Variants in EPHA6 observed in about 807,000 individuals in gnomAD.
EPHA6 encodes ephrin type-A receptor 6.
Under a neutral mutation model 112.0 loss-of-function variants are expected in EPHA6, and 50 were observed. That is an observed-to-expected ratio of 0.45 (90% CI 0.36 to 0.56). The LOEUF is 0.56. Among genes scored for constraint, EPHA6 ranks in the 20% least tolerant of loss-of-function variants. The probability of loss-of-function intolerance (pLI) is 0.00; values close to 1 mark genes in which losing one functional copy is unlikely to be tolerated. For missense variants in EPHA6, 1,280 were observed against 1,417.4 expected (o/e 0.90, Z 1.56); for synonymous variants, 529 against 490.7 (o/e 1.08, Z -1.03).
chr3:97,717,019 A>G (rs555111895), intron 14 of EPHA6, among the ~76,000 whole-genome samples: 1 of 152,082 alleles, frequency 6.6e-6, no homozygotes, highest in South Asian at 2.1e-4. Context: ...AATATGGACC[A>G]TCACCATGTT....
intron 2 of EPHA6, among the ~76,000 whole-genome samples, chr3:96,935,278 A>G (rs1452787778): frequency 1.3e-5 from 2 of 151,788 alleles, no homozygotes; most frequent in African/African-American, 2.4e-5. Flanking sequence ...ATATGTTTTT[A>G]TTTTCCGATT....
At chr3:97,080,916 G>GTA (rs2046700284) in intron 3 of EPHA6, among the ~76,000 whole-genome samples, 1 of 151,878 alleles carries the variant, frequency 6.6e-6, no homozygotes, top group Non-Finnish European at 1.5e-5. Context: ...TTTAATAGTT[G>GTA]TATTTACACC....
chr3:97,723,220 G>A (rs1280519669), intron 15 of EPHA6, among the ~76,000 whole-genome samples: 1 of 152,218 alleles, frequency 6.6e-6, no homozygotes, highest in African/African-American at 2.4e-5. Context: ...CCACAAGACA[G>A]ATTTTTTAGG....
At chr3:96,821,891 T>C (rs1255408038) in intron 1 of EPHA6, among the ~76,000 whole-genome samples, 1 of 151,924 alleles carries the variant, frequency 6.6e-6, no homozygotes, top group East Asian at 1.9e-4. Context: ...TATTCTGTTC[T>C]CTTGAATCTC....
intron 2 of EPHA6, among the ~76,000 whole-genome samples, chr3:96,978,932 C>T (rs2042639318): frequency 6.6e-6 from 1 of 152,106 alleles, no homozygotes; most frequent in African/African-American, 2.4e-5. Flanking sequence ...TATTTTCAAA[C>T]ACTTCTTCAT....
At chr3:97,365,755 T>C (rs2084688059) in intron 5 of EPHA6, among the ~76,000 whole-genome samples, 1 of 152,206 alleles carries the variant, frequency 6.6e-6, no homozygotes. Flanking sequence ...GCTCCATCTT[T>C]GTGATTTTCA....
chr3:97,720,136 A>T, intron 14 of EPHA6, 125 bp from the exon 15 acceptor site: 1 of 735,436 alleles, frequency 1.4e-6, no homozygotes, highest in African/African-American at 1.8e-5. Context: ...TTTTGATTTT[A>T]ATTTAAAATG....
intron 3 of EPHA6, among the ~76,000 whole-genome samples, chr3:97,187,376 C>T (rs2077168850): frequency 6.6e-6 from 1 of 151,804 alleles, no homozygotes; most frequent in Non-Finnish European, 1.5e-5. Flanking sequence ...TCAAGACCAA[C>T]CTGGTCAATA....
intron 3 of EPHA6, among the ~76,000 whole-genome samples, chr3:97,079,494 C>T (rs1206121350): frequency 6.6e-6 from 1 of 151,300 alleles, no homozygotes; most frequent in East Asian, 1.9e-4. Context: ...AACAACTAAT[C>T]AGTACTAGCC....
intron 5 of EPHA6, among the ~76,000 whole-genome samples, chr3:97,385,295 C>G (rs2085993871): frequency 6.6e-6 from 1 of 152,046 alleles, no homozygotes; most frequent in South Asian, 2.1e-4. Context: ...ACATTTGAAC[C>G]AAGTCACTCA....
At chr3:96,987,207 T>C in intron 2 of EPHA6, 123 bp from the exon 3 acceptor site, 1 of 797,266 alleles carries the variant, frequency 1.3e-6, no homozygotes, top group Non-Finnish European at 2.0e-6. Context: ...ATACTTTGAG[T>C]AGCTTCATTT....
At chr3:97,543,681 T>TA (rs1171878115) in intron 11 of EPHA6, among the ~76,000 whole-genome samples, 2 of 151,758 alleles carry the variant, frequency 1.3e-5, no homozygotes, top group African/African-American at 4.8e-5. Flanking sequence ...TAAATTACCT[T>TA]GGGCAGTATG....
chr3:97,425,087 C>T (rs1413683782), intron 6 of EPHA6, among the ~76,000 whole-genome samples: 2 of 152,204 alleles, frequency 1.3e-5, no homozygotes, highest in African/African-American at 2.4e-5. Context: ...ACAGCCCCCT[C>T]CTGGCTGCTA....
intron 3 of EPHA6, among the ~76,000 whole-genome samples, chr3:97,034,970 C>T (rs1354685492): frequency 2.0e-5 from 3 of 151,942 alleles, no homozygotes; most frequent in African/African-American, 4.8e-5. Context: ...CATATTTTTA[C>T]ATACAATAGT....
intron 14 of EPHA6, among the ~76,000 whole-genome samples, chr3:97,663,341 T>A (rs1287207910): frequency 6.6e-6 from 1 of 151,896 alleles, no homozygotes; most frequent in Non-Finnish European, 1.5e-5. Flanking sequence ...TTATATATAC[T>A]TTTTTTATTA....
chr3:97,118,262 G>A (rs1184364224), intron 3 of EPHA6, among the ~76,000 whole-genome samples: 2 of 151,518 alleles, frequency 1.3e-5, no homozygotes, highest in Non-Finnish European at 3.0e-5. Flanking sequence ...CATGTTACCA[G>A]GACACGTGAT....
chr3:97,227,192 A>G (rs1338097642), intron 4 of EPHA6, among the ~76,000 whole-genome samples: 1 of 152,136 alleles, frequency 6.6e-6, no homozygotes, highest in Non-Finnish European at 1.5e-5. Context: ...AAAAAACACA[A>G]TATATAAATT....
chr3:97,677,290 ATTAAG>A (rs551748905), intron 14 of EPHA6, among the ~76,000 whole-genome samples: 252 of 152,310 alleles, frequency 1.7e-3, no homozygotes, highest in African/African-American at 5.7e-3. Context: ...AATATATCAT[ATTAAG>A]TTAACATTGA....
intron 2 of EPHA6, among the ~76,000 whole-genome samples, chr3:96,937,819 T>G (rs62263696): frequency 0.027 from 4,167 of 152,238 alleles, 91 homozygotes; most frequent in Middle Eastern, 0.065. Context: ...TTCAGCTTTC[T>G]ACATATGGCT....
Sources: gnomAD v4.1 joint callset for allele counts (sites outside exome capture counted in the v4.1 genomes callset) on GRCh38, gnomAD v4.1.1 for gene constraint, MANE v1.5 for transcripts, NCBI Gene and HGNC (gene_info 2026-07-23, HGNC 2026-07-21) for gene names.